Variants in ANKRD6 observed in about 807,000 individuals in gnomAD.
ANKRD6 encodes ankyrin repeat domain-containing protein 6.
A neutral mutation model predicts 82.3 loss-of-function variants in ANKRD6; 56 were observed. That is an observed-to-expected ratio of 0.68 (90% CI 0.55 to 0.85). The LOEUF is 0.85. Among genes scored for constraint, ANKRD6 ranks in the 40% least tolerant of loss-of-function variants. The pLI is 0.00. For missense variants in ANKRD6, 852 were observed against 907.6 expected (o/e 0.94, Z 0.79); for synonymous variants, 347 against 352.1 (o/e 0.99, Z 0.16).
chr6:89,621,004 G>A (rs1324688194), intron 9 of ANKRD6, among the ~76,000 whole-genome samples: 1 of 152,118 alleles, frequency 6.6e-6, no homozygotes, highest in Admixed American at 6.5e-5. Context: ...GGGAGGCGGA[G>A]CTTGCAGTGA....
chr6:89,628,731 C>T (rs529483779), intron 14 of ANKRD6: 10 of 254,258 alleles, frequency 3.9e-5, no homozygotes, highest in African/African-American at 2.3e-4. Flanking sequence ...CATCGTGCCA[C>T]TGCACTCCAG....
intron 1 of ANKRD6, among the ~76,000 whole-genome samples, chr6:89,497,772 AT>A: frequency 1.3e-5 from 2 of 152,066 alleles, no homozygotes; most frequent in African/African-American, 2.4e-5. Flanking sequence ...CAGTTTGGTG[AT>A]TTTTAAAGTA....
In ANKRD6 at chr6:89,566,848, A is replaced by G. The variant is rs983249967; in HGVS notation, c.-129A>G. On this transcript the variant is annotated 5_prime_UTR_variant, in exon 2 of 16. Coordinates refer to ENST00000339746, the MANE Select transcript of ANKRD6 (RefSeq NM_001242809.2). ...GTAACCCCTAGGTCCCGAAGATGGC[A>G]TATTCATAAAGACATCTTCTGATGA... 9 of 1,302,214 alleles carry G rather than the reference A, an allele frequency of 6.9e-6. No homozygotes were observed. In the African/African-American group the frequency reaches 1.2e-4, roughly 17 times the overall value. The allele number at this position is 1,302,214 out of a possible 1,614,324, so 80.7% of individuals were successfully genotyped here. A position where few individuals can be genotyped will look rare whatever the true frequency, so the allele number is the denominator to read the frequency against.
At chr6:89,490,428 A>G (rs1777884338) in intron 1 of ANKRD6, among the ~76,000 whole-genome samples, 2 of 152,380 alleles carry the variant, frequency 1.3e-5, no homozygotes, top group South Asian at 2.1e-4. Flanking sequence ...AGTGATACAG[A>G]TAGATTCTTT....
chr6:89,618,970 T>A (rs924376907), intron 9 of ANKRD6, among the ~76,000 whole-genome samples: 4 of 152,130 alleles, frequency 2.6e-5, no homozygotes, highest in Admixed American at 2.6e-4. Flanking sequence ...TCTCAGGGAG[T>A]CAAAGGAAGA....
At chr6:89,541,486 G>A (rs747349190) in intron 1 of ANKRD6, among the ~76,000 whole-genome samples, 18 of 130,586 alleles carry the variant, frequency 1.4e-4, no homozygotes, top group Middle Eastern at 5.1e-3. Flanking sequence ...TCCACATTCC[G>A]AGTTCAAGCG....
intron 2 of ANKRD6, among the ~76,000 whole-genome samples, chr6:89,590,632 A>T (rs891183617): frequency 6.6e-6 from 1 of 152,296 alleles, no homozygotes; most frequent in African/African-American, 2.4e-5. Flanking sequence ...TGAGCTTCCT[A>T]AGGGTGAGAC....
intron 1 of ANKRD6, among the ~76,000 whole-genome samples, chr6:89,505,385 AT>A: frequency 6.6e-6 from 1 of 152,378 alleles, no homozygotes; most frequent in Middle Eastern, 3.4e-3. Flanking sequence ...TCCTCTAGGC[AT>A]TTTAAGCAGA....
At position 89,631,040 on chromosome 6, in the gene ANKRD6, G is replaced by C. The variant is rs947588758; in HGVS notation, c.*36G>C. Reference sequence around the variant, plus strand: ...GAGGAAATATGAAAGGATTCTTGAAGATTTCCAGTTTTGCAACTGCATAAT... The same window carrying C: ...GAGGAAATATGAAAGGATTCTTGAACATTTCCAGTTTTGCAACTGCATAAT... On this transcript the variant is annotated 3_prime_UTR_variant, in exon 16 of 16. Transcript: ENST00000339746. 9 of 1,465,718 alleles carry C rather than the reference G, an allele frequency of 6.1e-6. No individual in the cohort carries two copies. The African/African-American group carries it at 1.1e-4, about 19-fold the overall frequency. The allele number at this position is 1,465,718 out of a possible 1,614,324, so 90.8% of individuals were successfully genotyped here.
intron 7 of ANKRD6, 57 bp downstream of exon 7, chr6:89,613,947 C>T: frequency 6.3e-7 from 1 of 1,576,482 alleles, no homozygotes; most frequent in East Asian, 2.2e-5. Flanking sequence ...GGCTACCGGA[C>T]AGGTCTGTTA....
intron 1 of ANKRD6, among the ~76,000 whole-genome samples, chr6:89,516,065 G>T (rs1314953064): frequency 1.3e-5 from 2 of 152,224 alleles, no homozygotes; most frequent in African/African-American, 2.4e-5. Context: ...CTCCAAAACT[G>T]TGAGTGTGAT....
intron 2 of ANKRD6, among the ~76,000 whole-genome samples, chr6:89,570,873 G>T (rs190888486): frequency 9.3e-4 from 141 of 152,316 alleles, no homozygotes; most frequent in Non-Finnish European, 1.6e-3. Flanking sequence ...GGGTGTTTGA[G>T]CCCTTGCTTT....
chr6:89,446,315 G>A (rs1274732011), intron 1 of ANKRD6, among the ~76,000 whole-genome samples: 2 of 152,122 alleles, frequency 1.3e-5, no homozygotes, highest in African/African-American at 4.8e-5. Context: ...TCGTGCCATT[G>A]CACTCCAGCC....
intron 1 of ANKRD6, among the ~76,000 whole-genome samples, chr6:89,515,274 C>G (rs1284015264): frequency 6.6e-6 from 1 of 152,164 alleles, no homozygotes; most frequent in Non-Finnish European, 1.5e-5. Flanking sequence ...CTCAGTTTTT[C>G]TACCTTTGTG....
intron 10 of ANKRD6, among the ~76,000 whole-genome samples, chr6:89,622,677 C>T (rs1043592855): frequency 6.6e-6 from 1 of 152,190 alleles, no homozygotes; most frequent in African/African-American, 2.4e-5. Flanking sequence ...ATTTCAGCTC[C>T]TCTTGCCCCA....
chr6:89,545,801 G>T (rs1181454363), intron 1 of ANKRD6, among the ~76,000 whole-genome samples: 1 of 152,060 alleles, frequency 6.6e-6, no homozygotes. Flanking sequence ...TAAATGTTCT[G>T]TGTATATTAT....
At chr6:89,595,573 T>A (rs1342008830) in intron 2 of ANKRD6, among the ~76,000 whole-genome samples, 22 of 152,216 alleles carry the variant, frequency 1.4e-4, no homozygotes, top group Non-Finnish European at 1.5e-5. Context: ...CATGGCCACT[T>A]CATTATTCCT....
intron 1 of ANKRD6, chr6:89,561,051 G>A (rs982039918): frequency 4.6e-5 from 7 of 152,144 alleles, no homozygotes; most frequent in African/African-American, 1.7e-4. Context: ...TACATAAAAA[G>A]GGACGGTCTC....
intron 1 of ANKRD6, among the ~76,000 whole-genome samples, chr6:89,470,621 T>A (rs1265577925): frequency 6.6e-6 from 1 of 151,852 alleles, no homozygotes. Flanking sequence ...GCCTCAATAA[T>A]AATAATAATA....
Sources: gnomAD v4.1 joint callset for allele counts (sites outside exome capture counted in the v4.1 genomes callset) on GRCh38, gnomAD v4.1.1 for gene constraint, MANE v1.5 for transcripts, NCBI Gene and HGNC (gene_info 2026-07-23, HGNC 2026-07-21) for gene names.